Variants in SMG7 observed in about 807,000 individuals in gnomAD.
SMG7 encodes SMG7 nonsense mediated mRNA decay factor.
A neutral mutation model predicts 148.2 loss-of-function variants in SMG7; 34 were observed. The observed-to-expected ratio is 0.23, with a 90% CI of 0.17 to 0.31. The LOEUF (loss-of-function observed/expected upper bound fraction) is 0.31, where lower values mean the gene tolerates loss of function less well. Ranked by LOEUF, SMG7 falls within the 10% of genes least tolerant of loss-of-function variation. The probability of loss-of-function intolerance (pLI) is 1.00; values close to 1 mark genes in which losing one functional copy is unlikely to be tolerated. For missense variants in SMG7, 1,114 were observed against 1,408.4 expected, an observed-to-expected ratio of 0.79 and a Z score of 3.35; for synonymous variants, 492 against 515.1, an observed-to-expected ratio of 0.96 and a Z score of 0.61.
At chr1:183,530,574 A>G (rs1468527371) in intron 8 of SMG7, among the ~76,000 whole-genome samples, 1 of 152,184 alleles carries the variant, frequency 6.6e-6, no homozygotes, top group East Asian at 1.9e-4. Context: ...AAACAAGTCT[A>G]AATAGTTTTC....
chr1:183,494,969 C>T (rs1483070055), intron 1 of SMG7, among the ~76,000 whole-genome samples: 1 of 151,564 alleles, frequency 6.6e-6, no homozygotes. Flanking sequence ...GCTGGGACTA[C>T]AGACACACGC....
At chr1:183,484,305 CTA>C (rs1374602060) in intron 1 of SMG7, among the ~76,000 whole-genome samples, 1 of 151,146 alleles carries the variant, frequency 6.6e-6, no homozygotes, top group African/African-American at 2.4e-5. Context: ...AGTTGTTACA[CTA>C]TATTGCTTTT....
intron 14 of SMG7, among the ~76,000 whole-genome samples, 177 bp from the exon 15 acceptor site, chr1:183,544,176 T>C (rs1297288282): frequency 6.6e-6 from 1 of 152,214 alleles, no homozygotes; most frequent in Non-Finnish European, 1.5e-5. Context: ...TTATCTTTTA[T>C]TGGCTATTAA....
intron 5 of SMG7, 76 bp downstream of exon 5, chr1:183,526,843 C>A (rs910060667): frequency 1.6e-6 from 2 of 1,266,992 alleles, no homozygotes; most frequent in Non-Finnish European, 2.2e-6. Context: ...AAACTGTTTT[C>A]CTTTAAGCGG....
chr1:183,517,190 TAAAC>T (rs768676740), intron 3 of SMG7, among the ~76,000 whole-genome samples: 5 of 152,180 alleles, frequency 3.3e-5, no homozygotes, highest in Non-Finnish European at 5.9e-5. Flanking sequence ...ACAAGAGAAA[TAAAC>T]AAAACTATTA....
At chr1:183,543,567 C>T (rs1669343080) in intron 14 of SMG7, among the ~76,000 whole-genome samples, 1 of 152,114 alleles carries the variant, frequency 6.6e-6, no homozygotes. Context: ...TACCTTTCCT[C>T]CATTCTCTGT....
rs1187330888 is a variant in SMG7, at chr1:183,472,625, G to A, written c.5G>A (p.Ser2Asn). 6 of 1,465,880 alleles carry A rather than the reference G, an allele frequency of 4.1e-6. No homozygotes were observed. The highest frequency in any genetic ancestry group is 1.3e-5 in the South Asian group (1 of 74,804). 90.8% of individuals were successfully genotyped at this position (1,465,880 alleles called of 1,614,324 possible). MSLQSAQYLRQA... is the reference protein window; with the variant it reads MNLQSAQYLRQA... ...ACGCGGCGGCGGCGGCGGAGGATGA[G>A]CCTGCAGAGCGCGCAGTACCTCCGG... The change falls in exon 1 of 23, where the codon AGC becomes AAC. Residue 2 changes from serine to asparagine, a missense_variant. Coordinates refer to ENST00000688051, the MANE Select transcript of SMG7 (RefSeq NM_001375584.1).
intron 12 of SMG7, among the ~76,000 whole-genome samples, chr1:183,540,122 A>C (rs960296982): frequency 2.0e-5 from 3 of 151,798 alleles, no homozygotes; most frequent in African/African-American, 4.8e-5. Context: ...ATTCCTCCAC[A>C]CCTTTGTTCA....
chr1:183,523,975 AT>A (rs542829681), intron 4 of SMG7, among the ~76,000 whole-genome samples: 1 of 149,334 alleles, frequency 6.7e-6, no homozygotes. Context: ...ACATATATAT[AT>A]TTTTTTTGTT....
At chr1:183,492,489 C>G (rs1162038038) in intron 1 of SMG7, among the ~76,000 whole-genome samples, 5 of 152,162 alleles carry the variant, frequency 3.3e-5, no homozygotes, top group African/African-American at 7.2e-5. Context: ...ATCAGGTAAT[C>G]TAAGTTCTCT....
At chr1:183,483,515 T>TA (rs1191568625) in intron 1 of SMG7, among the ~76,000 whole-genome samples, 3 of 152,080 alleles carry the variant, frequency 2.0e-5, no homozygotes, top group Non-Finnish European at 4.4e-5. Context: ...GTGAAAAAAG[T>TA]AAAAAAGCAT....
At chr1:183,494,238 T>G (rs1657813721) in intron 1 of SMG7, among the ~76,000 whole-genome samples, 1 of 151,894 alleles carries the variant, frequency 6.6e-6, no homozygotes, top group Admixed American at 6.6e-5. Flanking sequence ...TTATATAATT[T>G]TATGTATAAT....
At chr1:183,494,097 C>T (rs561668200) in intron 1 of SMG7, among the ~76,000 whole-genome samples, 1 of 152,244 alleles carries the variant, frequency 6.6e-6, no homozygotes, top group Admixed American at 6.5e-5. Context: ...AAGCAATCCT[C>T]CCACCTCAGC....
At chr1:183,538,544 G>A (rs2102695008) in intron 12 of SMG7, 104 bp downstream of exon 12, 1 of 807,042 alleles carries the variant, frequency 1.2e-6, no homozygotes. Context: ...TGTCCCAGCT[G>A]TGTGTTATTT....
chr1:183,551,051 G>A lies in SMG7; in HGVS notation c.3311G>A (p.Gly1104Asp). Reference sequence around the variant, plus strand: ...ATCTCTTTTCATCCCTTAGCCATGGGTGGGTTTGGCATTGATTATCTCTCA... The same window carrying A: ...ATCTCTTTTCATCCCTTAGCCATGGATGGGTTTGGCATTGATTATCTCTCA... Reference protein sequence around the residue: ...DRWKTDKPAMGGFGIDYLSAT... With the variant: ...DRWKTDKPAMDGFGIDYLSAT... Residue 1104 changes from glycine to aspartate, a missense_variant, in exon 22 of 23, where the codon GGT (glycine) becomes GAT (aspartate). Gly to Asp is a moderately conservative substitution (Grantham distance 94). Transcript: ENST00000688051. 6.2e-7 allele frequency: 1 copy of A among 1,614,058 alleles called. No individual in the cohort carries two copies. Among genetic ancestry groups the A allele is most frequent in the East Asian group, 2.2e-5 (1 of 44,882 alleles).
At chr1:183,478,244 C>T (rs1653154662) in intron 1 of SMG7, among the ~76,000 whole-genome samples, 1 of 152,096 alleles carries the variant, frequency 6.6e-6, no homozygotes, top group Non-Finnish European at 1.5e-5. Context: ...TCCATGTGGT[C>T]CACGAAGTCT....
intron 18 of SMG7, 146 bp downstream of exon 18, chr1:183,547,398 A>T: frequency 1.4e-6 from 1 of 731,830 alleles, no homozygotes; most frequent in Non-Finnish European, 2.1e-6. Context: ...GCCTAAACCA[A>T]CCTTAAGTTG....
intron 1 of SMG7, among the ~76,000 whole-genome samples, chr1:183,506,057 C>T (rs908814990): frequency 7.9e-5 from 12 of 152,198 alleles, no homozygotes; most frequent in Admixed American, 7.9e-4. Context: ...TCTTCAGCTT[C>T]ATTATCTGTG....
intron 6 of SMG7, among the ~76,000 whole-genome samples, chr1:183,528,489 G>T (rs1303712193): frequency 2.6e-5 from 4 of 152,108 alleles, no homozygotes; most frequent in Admixed American, 1.3e-4. Context: ...TTCTTACTAA[G>T]ACGTTGAAAT....
Sources: gnomAD v4.1 joint callset for allele counts (sites outside exome capture counted in the v4.1 genomes callset) on GRCh38, gnomAD v4.1.1 for gene constraint, MANE v1.5 for transcripts, NCBI Gene and HGNC (gene_info 2026-07-23, HGNC 2026-07-21) for gene names.